Variants in BTAF1 observed in about 807,000 individuals in gnomAD.
The protein encoded by BTAF1 is B-TFIID TATA-box binding protein associated factor 1.
In BTAF1, 38 loss-of-function variants were observed where a neutral mutation model predicts 227.1. The ratio of observed to expected loss-of-function variants is 0.17; its 90% CI spans 0.13 to 0.22. The LOEUF (loss-of-function observed/expected upper bound fraction) is 0.22. Ranked by LOEUF, BTAF1 falls within the 10% of genes least tolerant of loss-of-function variation. The probability of loss-of-function intolerance (pLI) is 1.00; values close to 1 mark genes in which losing one functional copy is unlikely to be tolerated. For synonymous variants in BTAF1, 742 were observed against 751.9 expected (o/e 0.99, Z 0.21); for missense variants, 1,598 against 2,204.0 (o/e 0.73, Z 5.51).
chr10:91,982,647 A>G lies in BTAF1; in HGVS notation c.2109A>G (p.Glu703=), dbSNP rs779848076. 1.2e-6 allele frequency: 2 copies of G among 1,613,882 alleles called. No individual in the cohort carries two copies. The highest frequency in any genetic ancestry group is 1.1e-5 in the South Asian group (1 of 91,058). Residue 703 remains glutamate, a synonymous_variant, in exon 18 of 38, where the codon GAA becomes GAG. Transcript: ENST00000265990. The part of the protein sequence containing the change: ...CDPGVNVVTQ[E]IKPAESLGQL... The stretch of plus-strand genomic sequence containing the variant: ...CAGGTGTAAATGTGGTAACTCAAGA[A>G]ATTAAACCAGCTGAATCCCTGGGCC...
At chr10:91,955,940 A>G (rs1465399274) in intron 6 of BTAF1, among the ~76,000 whole-genome samples, 6 of 152,170 alleles carry the variant, frequency 3.9e-5, no homozygotes, top group African/African-American at 1.4e-4. Flanking sequence ...AAAATGTGCT[A>G]AGTTTTTCTT....
rs756102661 is a variant in BTAF1 at position 91,959,770 on chromosome 10, AT to A, written c.991-13del. The A allele has an allele frequency of 2.4e-6, 2 of 828,202 alleles. No homozygotes were observed. Among genetic ancestry groups the A allele is most frequent in the Non-Finnish European group, 3.5e-6 (2 of 564,800 alleles). The allele number at this position is 828,202 out of a possible 1,614,324, so 51.3% of individuals were successfully genotyped here. On this transcript the variant is annotated splice_polypyrimidine_tract_variant and intron_variant, in intron 9 of 37. Coordinates refer to ENST00000265990, the MANE Select transcript of BTAF1 (RefSeq NM_003972.3). Reference sequence around the variant, plus strand: ...TATATATATATATATATATATATATATTATATTTTAACAGATGATTCAGCAG... The same window carrying A: ...TATATATATATATATATATATATATATATATTTTAACAGATGATTCAGCAG...
intron 1 of BTAF1, among the ~76,000 whole-genome samples, chr10:91,930,237 A>G (rs936667699): frequency 2.6e-5 from 4 of 152,200 alleles, no homozygotes; most frequent in African/African-American, 9.6e-5. Context: ...ATGTTTTGTC[A>G]TTAAGATAAA....
chr10:91,936,918 C>G (rs1844650814), intron 2 of BTAF1, among the ~76,000 whole-genome samples: 1 of 152,144 alleles, frequency 6.6e-6, no homozygotes, highest in Non-Finnish European at 1.5e-5. Context: ...TCAAATCATT[C>G]CCAAAGAGGC....
chr10:91,926,257 A>T (rs933083111), intron 1 of BTAF1, among the ~76,000 whole-genome samples: 4 of 152,218 alleles, frequency 2.6e-5, no homozygotes, highest in African/African-American at 9.7e-5. Flanking sequence ...ATCATATGCT[A>T]AAATCAAATC....
In BTAF1 at chr10:92,027,151, C is replaced by T; in HGVS notation, c.5257C>T (p.Arg1753Ter). Reference sequence around the variant, plus strand: ...CCAGAAACGTGTGGTTAACGTATACCGATTGATAACCAGAGGAACATTGGA... The same window carrying T: ...CCAGAAACGTGTGGTTAACGTATACTGATTGATAACCAGAGGAACATTGGA... ...IGQKRVVNVY[R>*]LITRGTLEEK... Residue 1753 changes from arginine (R) to a stop codon, truncating the protein, a stop_gained, in exon 37 of 38, where the codon CGA (arginine) becomes TGA (stop). Transcript: ENST00000265990. LOFTEE classifies it high-confidence loss of function. 1 of 1,613,322 alleles carries T rather than the reference C, an allele frequency of 6.2e-7. No homozygotes were observed. Among genetic ancestry groups the T allele is most frequent in the Non-Finnish European group, 8.5e-7 (1 of 1,179,688 alleles).
chr10:92,019,063 AC>A, intron 34 of BTAF1, 128 bp downstream of exon 34: 1 of 980,234 alleles, frequency 1.0e-6, no homozygotes, highest in Non-Finnish European at 1.4e-6. Flanking sequence ...AATTTTTGAT[AC>A]AGCTTTTTGT....
intron 19 of BTAF1, among the ~76,000 whole-genome samples, chr10:91,988,339 G>C (rs1038230453): frequency 6.6e-6 from 1 of 152,176 alleles, no homozygotes; most frequent in Non-Finnish European, 1.5e-5. Flanking sequence ...TCATTGAAAA[G>C]TGACATGAGC....
intron 4 of BTAF1, among the ~76,000 whole-genome samples, chr10:91,943,017 T>A (rs1251708789): frequency 2.6e-5 from 4 of 152,064 alleles, no homozygotes; most frequent in Non-Finnish European, 4.4e-5. Context: ...ACGCAAAAAC[T>A]AAGAGTGAAA....
chr10:91,929,919 A>G (rs1357750500), intron 1 of BTAF1, among the ~76,000 whole-genome samples: 1 of 152,186 alleles, frequency 6.6e-6, no homozygotes, highest in East Asian at 1.9e-4. Flanking sequence ...AATTCATCAA[A>G]TATCTCATAC....
intron 33 of BTAF1, among the ~76,000 whole-genome samples, chr10:92,017,951 AGAG>A: frequency 6.6e-6 from 1 of 152,340 alleles, no homozygotes; most frequent in East Asian, 1.9e-4. Context: ...TGGCTGAATC[AGAG>A]AAGAGACCAT....
In BTAF1 at chr10:91,928,502, A is replaced by C. The variant is rs572970859; in HGVS notation, c.14+4412A>C. 5.3e-5 allele frequency among the ~76,000 whole-genome samples: 8 copies of C among 152,310 alleles called. No individual in the cohort carries two copies. The East Asian group carries it at 1.3e-3, about 26-fold the overall frequency. On this transcript the variant is annotated intron_variant, in intron 1 of 37. Coordinates refer to ENST00000265990, the MANE Select transcript of BTAF1 (RefSeq NM_003972.3). ...AGATGCGGATGCCGGAAAGTCAGCT[A>C]GTCATTCACTAGCTACTTGACTTGC...
At chr10:91,980,835 C>G (rs1240672836) in intron 15 of BTAF1, among the ~76,000 whole-genome samples, 1 of 152,086 alleles carries the variant, frequency 6.6e-6, no homozygotes, top group African/African-American at 2.4e-5. Flanking sequence ...GAAAAGATTG[C>G]TTTTCTCTAG....
intron 28 of BTAF1, among the ~76,000 whole-genome samples, chr10:92,010,208 A>C (rs941960803): frequency 1.1e-4 from 16 of 152,186 alleles, no homozygotes; most frequent in Non-Finnish European, 2.4e-4. Flanking sequence ...GTCTGGGTCC[A>C]AGGTCACTCA....
chr10:91,985,932 G>A (rs1388588585), intron 19 of BTAF1, among the ~76,000 whole-genome samples: 2 of 151,592 alleles, frequency 1.3e-5, no homozygotes, highest in Admixed American at 1.3e-4. Flanking sequence ...TCTTAATGCT[G>A]TCTTTGGATG....
At chr10:91,933,400 AAT>A (rs1844399171) in intron 1 of BTAF1, among the ~76,000 whole-genome samples, 2 of 152,318 alleles carry the variant, frequency 1.3e-5, no homozygotes, top group South Asian at 4.1e-4. Flanking sequence ...AATTTAAACA[AAT>A]AACAGTATAC....
intron 3 of BTAF1, among the ~76,000 whole-genome samples, chr10:91,940,899 G>A (rs542354385): frequency 2.6e-5 from 4 of 151,678 alleles, no homozygotes; most frequent in African/African-American, 4.8e-5. Flanking sequence ...GGCCAGGCTC[G>A]GGGGGGTGGG....
intron 4 of BTAF1, among the ~76,000 whole-genome samples, chr10:91,950,150 G>GA (rs1491250627): frequency 3.3e-4 from 10 of 29,962 alleles, no homozygotes; most frequent in African/African-American, 5.5e-4. Context: ...GTCCTTTGTG[G>GA]GGGGGGGCGG....
At chr10:92,024,722 C>A in intron 34 of BTAF1, 34 bp from the exon 35 acceptor site, 1 of 547,662 alleles carries the variant, frequency 1.8e-6, no homozygotes, top group Non-Finnish European at 2.8e-6. Context: ...TTTTATTGAA[C>A]GCTTATGTAG....
Sources: allele counts gnomAD v4.1 joint callset (sites outside exome capture counted in the v4.1 genomes callset), GRCh38; gene constraint gnomAD v4.1.1; transcripts MANE v1.5; gene names NCBI Gene and HGNC (gene_info 2026-07-23, HGNC 2026-07-21).